Variants in GALNT17 observed in about 807,000 individuals in gnomAD.
GALNT17 encodes the protein polypeptide N-acetylgalactosaminyltransferase 17, also known as UDP-GalNAc:polypeptide N-acetylgalactosaminyltransferase-like 3.
GALNT17 carries 29 observed loss-of-function variants against 63.7 expected under a neutral mutation model. That is an observed-to-expected ratio of 0.46 (90% CI 0.34 to 0.62). GALNT17 has a LOEUF of 0.62. GALNT17 is among the 20% of genes least tolerant of loss of function. The probability of loss-of-function intolerance (pLI) is 0.01; values close to 1 mark genes in which losing one functional copy is unlikely to be tolerated. For synonymous variants in GALNT17, 305 were observed against 318.3 expected (o/e 0.96, Z 0.45); for missense variants, 603 against 799.6 (o/e 0.75, Z 2.97).
intron 1 of GALNT17, among the ~76,000 whole-genome samples, chr7:71,213,068 T>A (rs1789412109): frequency 6.6e-6 from 1 of 152,190 alleles, no homozygotes; most frequent in South Asian, 2.1e-4. Flanking sequence ...TGATATGGTT[T>A]GGCTGTGTCC....
At chr7:71,657,770 G>C (rs1440699928) in intron 6 of GALNT17, among the ~76,000 whole-genome samples, 2 of 152,208 alleles carry the variant, frequency 1.3e-5, no homozygotes, top group African/African-American at 4.8e-5. Context: ...CATACACCCA[G>C]GTGCCTCAAC....
At chr7:71,396,155 G>T (rs911391337) in intron 3 of GALNT17, among the ~76,000 whole-genome samples, 1 of 151,968 alleles carries the variant, frequency 6.6e-6, no homozygotes, top group African/African-American at 2.4e-5. Context: ...TTGGGTGCTT[G>T]AGCTTTTGGT....
intron 5 of GALNT17, among the ~76,000 whole-genome samples, chr7:71,456,171 G>T (rs990408705): frequency 6.6e-6 from 1 of 151,608 alleles, no homozygotes; most frequent in South Asian, 2.1e-4. Context: ...GCTTGAACCT[G>T]GGGGGCAGAG....
intron 5 of GALNT17, among the ~76,000 whole-genome samples, chr7:71,489,656 G>A (rs1787973829): frequency 6.6e-6 from 1 of 152,236 alleles, no homozygotes; most frequent in South Asian, 2.1e-4. Context: ...AACGAGACAT[G>A]GGATTTTACT....
At chr7:71,186,457 C>T (rs571568934) in intron 1 of GALNT17, among the ~76,000 whole-genome samples, 1 of 152,216 alleles carries the variant, frequency 6.6e-6, no homozygotes, top group Admixed American at 6.5e-5. Flanking sequence ...GCAGGCCCAA[C>T]TGTCTTACTA....
At position 71,636,832 on chromosome 7, in the gene GALNT17, A is replaced by G. The variant is rs142198666; in HGVS notation, c.1081-28579A>G. On this transcript the variant is annotated intron_variant, in intron 6 of 10. Coordinates refer to ENST00000333538, the MANE Select transcript of GALNT17 (RefSeq NM_022479.3). ...GTGGTTTTGCCATGTGAGTGCAGTG[A>G]TAGGTCAGTGGTACAAGAGGTAAAA... is the stretch of plus-strand genomic sequence containing the variant. 3.2e-3 allele frequency among the ~76,000 whole-genome samples: 493 copies of G among 152,296 alleles called. 3 individuals carry two copies. Among genetic ancestry groups the G allele is most frequent in the Middle Eastern group, 0.017 (5 of 294 alleles).
At chr7:71,557,070 T>G (rs562496391) in intron 5 of GALNT17, among the ~76,000 whole-genome samples, 84 of 135,706 alleles carry the variant, frequency 6.2e-4, no homozygotes, top group African/African-American at 2.1e-3. Flanking sequence ...TTTTTTTTTT[T>G]TGGGGAGAGA....
chr7:71,562,887 T>C (rs1255191035), intron 5 of GALNT17, among the ~76,000 whole-genome samples: 3 of 152,074 alleles, frequency 2.0e-5, no homozygotes, highest in Admixed American at 6.6e-5. Flanking sequence ...CAGAAGGGAA[T>C]AGTGAGCCAC....
intron 5 of GALNT17, among the ~76,000 whole-genome samples, chr7:71,525,419 G>A (rs562652526): frequency 4.8e-4 from 73 of 152,162 alleles, no homozygotes; most frequent in Non-Finnish European, 9.4e-4. Context: ...TGTTAGCCAG[G>A]ATGGTCTCCA....
At chr7:71,584,539 T>TTTAAA (rs1259558077) in intron 6 of GALNT17, among the ~76,000 whole-genome samples, 1 of 152,208 alleles carries the variant, frequency 6.6e-6, no homozygotes, top group African/African-American at 2.4e-5. Context: ...ATAAAGACTC[T>TTTAAA]TTAAAAACAT....
intron 5 of GALNT17, among the ~76,000 whole-genome samples, chr7:71,518,016 T>A (rs562596360): frequency 6.6e-5 from 10 of 152,194 alleles, no homozygotes; most frequent in African/African-American, 2.2e-4. Flanking sequence ...GGAGACAGCA[T>A]ATGTCCCTGG....
chr7:71,710,239 G>T (rs745954552), intron 9 of GALNT17, among the ~76,000 whole-genome samples: 1 of 152,160 alleles, frequency 6.6e-6, no homozygotes, highest in Non-Finnish European at 1.5e-5. Flanking sequence ...GCCGGGCGCC[G>T]TGGCTCATGC....
intron 5 of GALNT17, among the ~76,000 whole-genome samples, chr7:71,476,507 A>T (rs1254410162): frequency 6.6e-6 from 1 of 152,118 alleles, no homozygotes; most frequent in African/African-American, 2.4e-5. Context: ...TTTAAAAAAA[A>T]AAAAAAAGAG....
chr7:71,474,684 C>T (rs560277811), intron 5 of GALNT17, among the ~76,000 whole-genome samples: 10 of 152,188 alleles, frequency 6.6e-5, no homozygotes, highest in South Asian at 2.1e-4. Context: ...GAGTCATTTG[C>T]GGTGCTGTTA....
intron 5 of GALNT17, among the ~76,000 whole-genome samples, chr7:71,555,636 AT>A (rs774134448): frequency 2.9e-4 from 44 of 151,342 alleles, no homozygotes; most frequent in Middle Eastern, 3.6e-3. Flanking sequence ...TATGTCAGTG[AT>A]TCTCAACCCT....
At chr7:71,507,337 C>T (rs1385031032) in intron 5 of GALNT17, among the ~76,000 whole-genome samples, 1 of 132,614 alleles carries the variant, frequency 7.5e-6, no homozygotes, top group Non-Finnish European at 1.7e-5. Context: ...TCTTGACATA[C>T]AGTTTTGAGC....
At chr7:71,252,605 C>T (rs984354251) in intron 1 of GALNT17, among the ~76,000 whole-genome samples, 12 of 152,136 alleles carry the variant, frequency 7.9e-5, no homozygotes, top group African/African-American at 2.9e-4. Flanking sequence ...TGACTGTGCA[C>T]ACATTTCATT....
intron 5 of GALNT17, among the ~76,000 whole-genome samples, chr7:71,461,789 G>A (rs764230371): frequency 2.0e-4 from 30 of 152,230 alleles, no homozygotes; most frequent in Admixed American, 1.8e-3. Flanking sequence ...TTTCCTGTCC[G>A]GTTCTGCAGT....
chr7:71,386,671 C>G (rs1202814930), intron 2 of GALNT17, among the ~76,000 whole-genome samples: 1 of 152,084 alleles, frequency 6.6e-6, no homozygotes, highest in African/African-American at 2.4e-5. Flanking sequence ...AGGAATTCTT[C>G]CCTTTAATCA....
Sources: allele counts gnomAD v4.1 joint callset (sites outside exome capture counted in the v4.1 genomes callset), GRCh38; gene constraint gnomAD v4.1.1; transcripts MANE v1.5; gene names NCBI Gene and HGNC (gene_info 2026-07-23, HGNC 2026-07-21).